RAD51B: variants seen among roughly 807,000 people sequenced by gnomAD.
The protein encoded by RAD51B is DNA repair protein RAD51 homolog 2.
In RAD51B, 38 loss-of-function variants were observed where a neutral mutation model predicts 42.2. The ratio of observed to expected loss-of-function variants is 0.90; its 90% confidence interval spans 0.70 to 1.18. RAD51B has a LOEUF of 1.18. Ranked by LOEUF, RAD51B falls within the 50% of genes most tolerant of loss-of-function variation. The probability of loss-of-function intolerance (pLI) is 0.00; values close to 1 mark genes in which losing one functional copy is unlikely to be tolerated. For synonymous variants in RAD51B, 154 were observed against 145.2 expected, an observed-to-expected ratio of 1.06 and a Z score of -0.43; for missense variants, 373 against 400.7, an observed-to-expected ratio of 0.93 and a Z score of 0.59.
At chr14:67,911,674 A>T (rs1566954379) in intron 7 of RAD51B, among the ~76,000 whole-genome samples, 1 of 152,102 alleles carries the variant, frequency 6.6e-6, no homozygotes, top group Non-Finnish European at 1.5e-5. Context: ...GAAACCTAAA[A>T]CTGTACTCTT....
At chr14:68,361,873 AC>A (rs1357857578) in intron 8 of RAD51B, among the ~76,000 whole-genome samples, 2 of 152,098 alleles carry the variant, frequency 1.3e-5, no homozygotes, top group African/African-American at 4.8e-5. Context: ...ATAGGGTTTT[AC>A]CATGTTAGCC....
chr14:68,134,743 G>A (rs1157685758), intron 7 of RAD51B, among the ~76,000 whole-genome samples: 1 of 151,528 alleles, frequency 6.6e-6, no homozygotes, highest in African/African-American at 2.4e-5. Context: ...GGATGTCTGT[G>A]TATATTTTTT....
intron 7 of RAD51B, among the ~76,000 whole-genome samples, chr14:67,996,540 A>G (rs1258018707): frequency 6.6e-6 from 1 of 152,182 alleles, no homozygotes; most frequent in African/African-American, 2.4e-5. Flanking sequence ...CCAGATAGAG[A>G]GAACAGTCAG....
intron 7 of RAD51B, among the ~76,000 whole-genome samples, chr14:68,093,323 C>T (rs1016820494): frequency 1.3e-5 from 2 of 152,182 alleles, no homozygotes; most frequent in African/African-American, 2.4e-5. Flanking sequence ...GTGAATCCAT[C>T]TGGTCCTGGA....
At chr14:68,329,303 C>A (rs904909058) in intron 8 of RAD51B, among the ~76,000 whole-genome samples, 5 of 152,204 alleles carry the variant, frequency 3.3e-5, no homozygotes, top group African/African-American at 1.2e-4. Context: ...CTACCACACC[C>A]AGGCTTATTA....
chr14:68,188,061 C>A (rs947780826), intron 7 of RAD51B, among the ~76,000 whole-genome samples: 2 of 152,112 alleles, frequency 1.3e-5, no homozygotes, highest in Admixed American at 1.3e-4. Context: ...GTCATCCACC[C>A]GCCTCAGCCT....
rs531368099 is a variant in RAD51B at position 67,912,785 on chromosome 14, A to C, written c.756+25581A>C. On this transcript the variant is annotated intron_variant, in intron 7 of 10. Coordinates refer to ENST00000471583, the MANE Select transcript of RAD51B (RefSeq NM_133510.4). ...CAGTGGCGCGATCTCGGCTCACTGC[A>C]ACCTCTGTCTCCCAGGTTCAAGTGA... 6.0e-5 allele frequency among the ~76,000 whole-genome samples: 9 copies of C among 151,048 alleles called. No individual in the cohort carries two copies. The East Asian group carries it at 1.8e-3, about 29-fold the overall frequency.
chr14:68,052,548 T>C (rs1220212868), intron 7 of RAD51B, among the ~76,000 whole-genome samples: 1 of 152,098 alleles, frequency 6.6e-6, no homozygotes, highest in East Asian at 1.9e-4. Context: ...TCTAGCCATT[T>C]CTAGATACCT....
intron 10 of RAD51B, among the ~76,000 whole-genome samples, chr14:68,632,035 A>G (rs961027528): frequency 6.6e-6 from 1 of 152,192 alleles, no homozygotes; most frequent in Non-Finnish European, 1.5e-5. Context: ...TCAGCAAAAC[A>G]CTGTTGACCT....
chr14:68,433,438 G>A (rs989300626), intron 9 of RAD51B, among the ~76,000 whole-genome samples: 4 of 152,106 alleles, frequency 2.6e-5, no homozygotes, highest in African/African-American at 9.7e-5. Context: ...TGGAGGCTTT[G>A]TTCATTTCTT....
rs117110083 is a variant in RAD51B at position 68,243,988 on chromosome 14, C to T, written c.757-47896C>T. Among the ~76,000 whole-genome samples, 1,282 of 152,218 alleles carry T rather than the reference C, an allele frequency of 8.4e-3. 5 individuals carry two copies. The highest frequency in any genetic ancestry group is 0.015 in the Non-Finnish European group (1,006 of 68,002). ...CAATTTTGTTAAACTGATGTCTTTTCGTGATGACCTGCTTCCAGTGTATTA... is the reference window on the plus strand; with the variant it reads ...CAATTTTGTTAAACTGATGTCTTTTTGTGATGACCTGCTTCCAGTGTATTA... On this transcript the variant is annotated intron_variant, in intron 7 of 10. Transcript: ENST00000471583.
intron 7 of RAD51B, among the ~76,000 whole-genome samples, chr14:67,909,377 G>A (rs2140109528): frequency 6.6e-6 from 1 of 152,306 alleles, no homozygotes; most frequent in South Asian, 2.1e-4. Flanking sequence ...GTGGGAAAAC[G>A]GATACTGCTA....
At chr14:68,467,992 C>G (rs1043711140) in intron 9 of RAD51B, among the ~76,000 whole-genome samples, 180 bp from the exon 10 acceptor site, 13 of 151,406 alleles carry the variant, frequency 8.6e-5, no homozygotes, top group African/African-American at 3.2e-4. Flanking sequence ...TTTAAGGTGA[C>G]CACTTTGAAA....
chr14:68,261,437 A>T (rs958074196), intron 7 of RAD51B, among the ~76,000 whole-genome samples: 4 of 152,258 alleles, frequency 2.6e-5, no homozygotes, highest in African/African-American at 9.6e-5. Flanking sequence ...GAGGTGAAAG[A>T]TACAGAAGAG....
intron 10 of RAD51B, among the ~76,000 whole-genome samples, chr14:68,527,166 A>G (rs1401588226): frequency 6.6e-6 from 1 of 152,250 alleles, no homozygotes; most frequent in Non-Finnish European, 1.5e-5. Flanking sequence ...GAAAAAGCCT[A>G]CATGCTCTTT....
chr14:68,484,359 C>CTTTTTTTTTTT lies in RAD51B; in HGVS notation c.1036+16115_1036+16125dup, dbSNP rs10665607. On this transcript the variant is annotated intron_variant, in intron 10 of 10. Coordinates refer to the RAD51B transcript ENST00000487270. Reference sequence around the variant, plus strand: ...CAGTTGGGCTATTTTCTTTCTTTTTCTTTTTTTTTTTTTTTTGAGACAGAG... The same window carrying CTTTTTTTTTTT: ...CAGTTGGGCTATTTTCTTTCTTTTTCTTTTTTTTTTTTTTTTTTTTTTTTTTTGAGACAGAG... Among the ~76,000 whole-genome samples, 55 of 130,162 alleles carry CTTTTTTTTTTT rather than the reference C, an allele frequency of 4.2e-4. 1 individual carries two copies. The highest frequency in any genetic ancestry group is 8.4e-4 in the African/African-American group (28 of 33,438). 85.4% of individuals were successfully genotyped at this position (130,162 alleles called of 152,430 possible).
chr14:68,390,647 A>G (rs1363089665), intron 8 of RAD51B, among the ~76,000 whole-genome samples: 1 of 152,228 alleles, frequency 6.6e-6, no homozygotes, highest in Non-Finnish European at 1.5e-5. Context: ...GATGGAGCAA[A>G]TCTATGCAGA....
chr14:68,341,100 AT>A (rs2139836282), intron 8 of RAD51B, among the ~76,000 whole-genome samples: 1 of 152,376 alleles, frequency 6.6e-6, no homozygotes, highest in East Asian at 1.9e-4. Context: ...GCAAAGCACA[AT>A]GTTAATGACT....
intron 7 of RAD51B, among the ~76,000 whole-genome samples, chr14:67,977,390 C>T (rs1459364846): frequency 6.6e-6 from 1 of 152,206 alleles, no homozygotes; most frequent in Non-Finnish European, 1.5e-5. Flanking sequence ...CCTGAAGAAA[C>T]ATTGCTGTAT....
Sources: allele counts gnomAD v4.1 joint callset (sites outside exome capture counted in the v4.1 genomes callset), GRCh38; gene constraint gnomAD v4.1.1; transcripts MANE v1.5; gene names NCBI Gene and HGNC (gene_info 2026-07-23, HGNC 2026-07-21).